Variants in DNAAF11 observed in about 807,000 individuals in gnomAD.
DNAAF11 encodes the protein dynein axonemal assembly factor 11.
In DNAAF11, 45 loss-of-function variants were observed where a neutral mutation model predicts 60.8. The ratio of observed to expected loss-of-function variants is 0.74; its 90% CI spans 0.58 to 0.95. DNAAF11 has a LOEUF of 0.95. Ranked by LOEUF, DNAAF11 falls within the 40% of genes least tolerant of loss-of-function variation. The pLI is 0.00. For missense variants in DNAAF11, 546 were observed against 546.2 expected, an observed-to-expected ratio of 1.00 and a Z score of 0.00; for synonymous variants, 191 against 183.5, an observed-to-expected ratio of 1.04 and a Z score of -0.33.
chr8:132,699,359 T>A, the DNAAF11 span, among the ~76,000 whole-genome samples: 3 of 152,104 alleles, frequency 2.0e-5, no homozygotes, highest in Admixed American at 6.6e-5. Context: ...AGCTTGGTGA[T>A]GTTATAAGAA....
the DNAAF11 span, among the ~76,000 whole-genome samples, chr8:132,702,690 AAGTT>A: frequency 2.0e-5 from 3 of 152,290 alleles, no homozygotes; most frequent in East Asian, 1.9e-4. Context: ...AATCTCATAA[AAGTT>A]AGACGAATTA....
chr8:132,675,693 G>A (rs1449430023), upstream of DNAAF11: 5 of 465,866 alleles, frequency 1.1e-5, no homozygotes, highest in African/African-American at 4.0e-5. Context: ...CGCAGTGAAG[G>A]GGCTCAGCAG....
intron 1 of DNAAF11, among the ~76,000 whole-genome samples, chr8:132,670,797 T>G (rs987393474): frequency 1.3e-5 from 2 of 152,000 alleles, no homozygotes; most frequent in African/African-American, 2.4e-5. Context: ...GTATACGAGG[T>G]TGATATAATG....
At chr8:132,593,292 T>C (rs1464313847) in intron 10 of DNAAF11, among the ~76,000 whole-genome samples, 1 of 140,990 alleles carries the variant, frequency 7.1e-6, no homozygotes, top group East Asian at 2.1e-4. Flanking sequence ...TAGAAGTTTC[T>C]GACAGATAAA....
chr8:132,571,347 T>A lies in DNAAF11; in HGVS notation c.*959A>T, dbSNP rs1814164317. 6.6e-6 allele frequency among the ~76,000 whole-genome samples: 1 copy of A among 152,214 alleles called. No individual in the cohort carries two copies. The highest frequency in any genetic ancestry group is 1.5e-5 in the Non-Finnish European group (1 of 68,038). On this transcript the variant is annotated 3_prime_UTR_variant, in exon 12 of 12. Coordinates refer to ENST00000620350, the MANE Select transcript of DNAAF11 (RefSeq NM_012472.6). Reference sequence around the variant, plus strand: ...TGAATGAATATTTGGGGAAACTGACTTAAATGTTGCTATATCATGATCAGA... The same window carrying A: ...TGAATGAATATTTGGGGAAACTGACATAAATGTTGCTATATCATGATCAGA...
chr8:132,631,985 T>C lies in DNAAF11; in HGVS notation c.653+755A>G, dbSNP rs150999094. 3.1e-4 allele frequency among the ~76,000 whole-genome samples: 47 copies of C among 151,844 alleles called. No individual in the cohort carries two copies. In the East Asian group the frequency reaches 7.0e-3, roughly 23 times the overall value. On this transcript the variant is annotated intron_variant, in intron 5 of 11. Transcript: ENST00000620350. ...ACATATGTAACAAACCTGCACGTTG[T>C]GCACATGTACTCTAAAACTTAAAGT...
the DNAAF11 span, among the ~76,000 whole-genome samples, chr8:132,689,631 A>G: frequency 6.6e-6 from 1 of 152,142 alleles, no homozygotes; most frequent in African/African-American, 2.4e-5. Context: ...AAAATATACT[A>G]TGACCATTCT....
At chr8:132,598,865 T>C (rs1249195964) in intron 10 of DNAAF11, among the ~76,000 whole-genome samples, 1 of 152,008 alleles carries the variant, frequency 6.6e-6, no homozygotes, top group Non-Finnish European at 1.5e-5. Flanking sequence ...TTAAAAGAAC[T>C]AGAGAAGCAA....
intron 10 of DNAAF11, among the ~76,000 whole-genome samples, chr8:132,597,135 C>A (rs1407495141): frequency 6.6e-6 from 1 of 152,198 alleles, no homozygotes; most frequent in East Asian, 1.9e-4. Context: ...AGAGACATCA[C>A]TTGACCAGTG....
At chr8:132,622,561 C>A (rs777752898) in intron 7 of DNAAF11, 50 bp downstream of exon 7, 2 of 1,336,294 alleles carry the variant, frequency 1.5e-6, no homozygotes, top group Non-Finnish European at 1.1e-6. Flanking sequence ...TTGACCAACA[C>A]CATTGACTGA....
intron 3 of DNAAF11, among the ~76,000 whole-genome samples, chr8:132,655,600 C>T (rs1823473356): frequency 1.3e-5 from 2 of 152,244 alleles, no homozygotes; most frequent in Non-Finnish European, 2.9e-5. Flanking sequence ...ATAAAGAACA[C>T]TTGCAACTTA....
chr8:132,596,568 T>G (rs1174779871), intron 10 of DNAAF11, among the ~76,000 whole-genome samples: 1 of 152,164 alleles, frequency 6.6e-6, no homozygotes, highest in African/African-American at 2.4e-5. Flanking sequence ...GAGGGTTTTG[T>G]GCCTTAGGAA....
At chr8:132,677,528 G>A (rs543064682), upstream of DNAAF11, among the ~76,000 whole-genome samples, 8 of 152,226 alleles carry the variant, frequency 5.3e-5, no homozygotes, top group Middle Eastern at 3.4e-3. Flanking sequence ...TTGCAACCCA[G>A]GTATTTGACA....
At chr8:132,663,666 T>C (rs191669697) in intron 1 of DNAAF11, among the ~76,000 whole-genome samples, 3 of 152,294 alleles carry the variant, frequency 2.0e-5, no homozygotes, top group Admixed American at 2.0e-4. Context: ...CTGGAGTCCA[T>C]GGGGCCAGGA....
At chr8:132,658,760 C>A (rs767566642) in intron 2 of DNAAF11, among the ~76,000 whole-genome samples, 1 of 152,134 alleles carries the variant, frequency 6.6e-6, no homozygotes, top group Non-Finnish European at 1.5e-5. Context: ...CTTTGTTATA[C>A]GCATCACCCT....
At chr8:132,668,615 T>G (rs1033055045) in intron 1 of DNAAF11, among the ~76,000 whole-genome samples, 1 of 152,082 alleles carries the variant, frequency 6.6e-6, no homozygotes, top group African/African-American at 2.4e-5. Flanking sequence ...ATTTTTTTTT[T>G]GTATTTTTAA....
intron 10 of DNAAF11, among the ~76,000 whole-genome samples, chr8:132,593,332 C>CATATATAT (rs60462067): frequency 0.064 from 6,978 of 108,354 alleles, 192 homozygotes; most frequent in Middle Eastern, 0.088. Flanking sequence ...TATATACATA[C>CATATATAT]ATATATATAT....
At chr8:132,622,714 A>C (rs1464569435) in intron 6 of DNAAF11, 26 bp from the exon 7 acceptor site, 1 of 1,472,598 alleles carries the variant, frequency 6.8e-7, no homozygotes, top group African/African-American at 1.4e-5. Context: ...GGATGAGAAC[A>C]ATGGGCAGCA....
intron 3 of DNAAF11, among the ~76,000 whole-genome samples, chr8:132,638,974 G>C (rs1821586217): frequency 6.6e-6 from 1 of 152,178 alleles, no homozygotes; most frequent in African/African-American, 2.4e-5. Flanking sequence ...GCTTCAGCCT[G>C]CTCATCTATA....
Sources: allele counts gnomAD v4.1 joint callset (sites outside exome capture counted in the v4.1 genomes callset), GRCh38; gene constraint gnomAD v4.1.1; transcripts MANE v1.5; gene names NCBI Gene and HGNC (gene_info 2026-07-23, HGNC 2026-07-21).